The following NALF1 variants were observed in gnomAD, a reference collection of about 807,000 sequenced individuals.
NALF1 encodes family with sequence similarity 155 member A.
NALF1 carries 3 observed loss-of-function variants against 48.4 expected under a neutral mutation model. The ratio of observed to expected loss-of-function variants is 0.06; its 90% CI spans 0.03 to 0.16. The LOEUF (loss-of-function observed/expected upper bound fraction) is 0.16, where lower values mean the gene tolerates loss of function less well. Ranked by LOEUF, NALF1 falls within the 10% of genes least tolerant of loss-of-function variation. The probability of loss-of-function intolerance (pLI) is 1.00; values close to 1 mark genes in which losing one functional copy is unlikely to be tolerated. For synonymous variants in NALF1, 262 were observed against 245.7 expected (o/e 1.07, Z -0.62); for missense variants, 526 against 571.5 (o/e 0.92, Z 0.81).
At chr13:107,854,899 A>G (rs1880406745) in intron 1 of NALF1, among the ~76,000 whole-genome samples, 1 of 151,624 alleles carries the variant, frequency 6.6e-6, no homozygotes, top group African/African-American at 2.4e-5. Context: ...AAAGACCTAT[A>G]TGGAAACCTA....
At chr13:107,505,469 TC>T (rs1875666265) in intron 1 of NALF1, among the ~76,000 whole-genome samples, 1 of 152,110 alleles carries the variant, frequency 6.6e-6, no homozygotes, top group Non-Finnish European at 1.5e-5. Context: ...ACTGCAGTGG[TC>T]CTGGTGAGAG....
chr13:107,849,475 G>A (rs571548376), intron 1 of NALF1, among the ~76,000 whole-genome samples: 46 of 152,282 alleles, frequency 3.0e-4, no homozygotes, highest in African/African-American at 1.0e-3. Context: ...CTGGTGCATG[G>A]CCTGGGAAGA....
intron 1 of NALF1, among the ~76,000 whole-genome samples, chr13:107,255,103 G>A (rs1880785990): frequency 6.6e-6 from 1 of 152,116 alleles, no homozygotes; most frequent in Non-Finnish European, 1.5e-5. Flanking sequence ...GTGGTACATG[G>A]GAAACATGTG....
chr13:107,481,409 C>T (rs117400773), intron 1 of NALF1, among the ~76,000 whole-genome samples: 1,820 of 152,138 alleles, frequency 0.012, 21 homozygotes, highest in South Asian at 0.036. Flanking sequence ...TTCCTACAGC[C>T]CTTTCAAACT....
chr13:107,239,699 T>G (rs1880427705), intron 1 of NALF1, among the ~76,000 whole-genome samples: 1 of 152,202 alleles, frequency 6.6e-6, no homozygotes, highest in African/African-American at 2.4e-5. Context: ...GTGGTCTTAC[T>G]GGGTGAAAAT....
intron 1 of NALF1, among the ~76,000 whole-genome samples, chr13:107,599,436 A>AT (rs1555311571): frequency 2.7e-4 from 41 of 150,262 alleles, no homozygotes; most frequent in Admixed American, 8.6e-4. Context: ...AAAAAAAAAA[A>AT]AAATAACATT....
intron 1 of NALF1, among the ~76,000 whole-genome samples, chr13:107,710,123 A>T (rs1200959906): frequency 6.6e-6 from 1 of 152,112 alleles, no homozygotes; most frequent in Non-Finnish European, 1.5e-5. Context: ...TCTTAAGAGA[A>T]AATACAAGAA....
At chr13:107,270,871 G>A (rs921681607) in intron 1 of NALF1, among the ~76,000 whole-genome samples, 5 of 146,174 alleles carry the variant, frequency 3.4e-5, no homozygotes. Context: ...GTGTCCATGT[G>A]TTCTCATTGT....
At chr13:107,825,218 C>A (rs971061310) in intron 1 of NALF1, among the ~76,000 whole-genome samples, 4 of 152,256 alleles carry the variant, frequency 2.6e-5, no homozygotes, top group Non-Finnish European at 5.9e-5. Flanking sequence ...TAAAATCTAC[C>A]TTCCAAAATT....
At chr13:107,796,142 T>C (rs192163104) in intron 1 of NALF1, among the ~76,000 whole-genome samples, 42 of 152,282 alleles carry the variant, frequency 2.8e-4, no homozygotes, top group Non-Finnish European at 7.4e-5. Context: ...ATGTATAGAT[T>C]AATAATCCCC....
At chr13:107,225,375 C>T (rs905185872) in intron 1 of NALF1, among the ~76,000 whole-genome samples, 4 of 152,084 alleles carry the variant, frequency 2.6e-5, no homozygotes, top group Admixed American at 1.3e-4. Context: ...GCCTCCCTGG[C>T]TCAAGATCTT....
rs866039657 is a variant in NALF1, at chr13:107,581,976, G to A, written c.915+283706C>T. 1.7e-4 allele frequency among the ~76,000 whole-genome samples: 26 copies of A among 152,164 alleles called. No homozygotes were observed. In the Middle Eastern group the frequency reaches 0.014, roughly 80 times the overall value. On this transcript the variant is annotated intron_variant, in intron 1 of 2. Transcript: ENST00000375915. ...GCCTTTGGACATTTACTTTTCATGT[G>A]ACTCATTTACTCCAGAATTATAGGC...
At position 107,733,553 on chromosome 13, in the gene NALF1, CAA is replaced by C. The variant is rs562183152; in HGVS notation, c.915+132127_915+132128del. 3.0e-4 allele frequency among the ~76,000 whole-genome samples: 46 copies of C among 152,040 alleles called. No homozygotes were observed. The Middle Eastern group carries it at 0.01, about 34-fold the overall frequency. ...TAAAAAACAAAATTATACAAATAGT[CAA>C]AGAGAGTAACACATCATATATCTAT... On this transcript the variant is annotated intron_variant, in intron 1 of 2. Coordinates refer to ENST00000375915, the MANE Select transcript of NALF1 (RefSeq NM_001080396.3).
intron 1 of NALF1, among the ~76,000 whole-genome samples, chr13:107,799,415 G>A (rs372723443): frequency 9.2e-5 from 14 of 152,080 alleles, no homozygotes; most frequent in African/African-American, 3.4e-4. Context: ...TCAATGCCAC[G>A]TACATGATAT....
chr13:107,559,281 A>G (rs1345881982), intron 1 of NALF1, among the ~76,000 whole-genome samples: 11 of 152,178 alleles, frequency 7.2e-5, no homozygotes, highest in Admixed American at 7.2e-4. Flanking sequence ...CAGTCCGGAT[A>G]AGGAGTGAAT....
At chr13:107,788,945 C>A (rs906779620) in intron 1 of NALF1, 1 of 152,060 alleles carries the variant, frequency 6.6e-6, no homozygotes, top group African/African-American at 2.4e-5. Context: ...ATATGGTTAA[C>A]CTAGTTAAGT....
chr13:107,403,323 G>C (rs1315011686), intron 1 of NALF1, among the ~76,000 whole-genome samples: 4 of 145,842 alleles, frequency 2.7e-5, no homozygotes. Context: ...GCCAATTTTT[G>C]GTTGCCTGGT....
rs546704845 is a variant in NALF1 at position 107,414,635 on chromosome 13, T to A, written c.916-203880A>T. ...GTTTTCTGGGGATAAAATTACATTA[T>A]CTCTAAATAATAATATTTTCCATCT... On this transcript the variant is annotated intron_variant, in intron 1 of 2. Coordinates refer to ENST00000375915, the MANE Select transcript of NALF1 (RefSeq NM_001080396.3). Among the ~76,000 whole-genome samples the A allele has an allele frequency of 3.3e-5, 5 of 152,006 alleles. No individual in the cohort carries two copies. In the South Asian group the frequency reaches 8.3e-4, roughly 25 times the overall value.
At chr13:107,640,691 C>T (rs563214758) in intron 1 of NALF1, among the ~76,000 whole-genome samples, 53 of 152,236 alleles carry the variant, frequency 3.5e-4, no homozygotes, top group African/African-American at 1.1e-3. Context: ...ATTTCATTTG[C>T]ATGAGTATTT....
Sources: gnomAD v4.1 joint callset for allele counts (sites outside exome capture counted in the v4.1 genomes callset) on GRCh38, gnomAD v4.1.1 for gene constraint, MANE v1.5 for transcripts, NCBI Gene and HGNC (gene_info 2026-07-23, HGNC 2026-07-21) for gene names.